IL1RAPL2: variants seen among roughly 807,000 people sequenced by gnomAD.
IL1RAPL2 encodes the protein X-linked interleukin-1 receptor accessory protein-like 2.
In IL1RAPL2, 3 loss-of-function variants were observed where a neutral mutation model predicts 44.1. That is an observed-to-expected ratio of 0.07 (90% CI 0.03 to 0.18). IL1RAPL2 has a LOEUF of 0.18. Among genes scored for constraint, IL1RAPL2 ranks in the 10% least tolerant of loss-of-function variants. The pLI is 1.00. For synonymous variants in IL1RAPL2, 181 were observed against 178.8 expected, an observed-to-expected ratio of 1.01 and a Z score of -0.10; for missense variants, 391 against 496.4, an observed-to-expected ratio of 0.79 and a Z score of 2.02.
chrX:105,678,292 C>G (rs2147521018), intron 6 of IL1RAPL2, among the ~76,000 whole-genome samples: 1 of 112,140 alleles, frequency 8.9e-6, no homozygotes, highest in Non-Finnish European at 1.9e-5. Flanking sequence ...GCCTAATAAT[C>G]AAATCATCAA....
chrX:105,724,856 T>C (rs1173258904), intron 7 of IL1RAPL2, among the ~76,000 whole-genome samples: 1 of 111,324 alleles, frequency 9.0e-6, no homozygotes, highest in East Asian at 2.8e-4. Context: ...TAAAGCTTAA[T>C]GGGAACTGCT....
At chrX:105,524,604 TAC>T (rs1049390525) in intron 6 of IL1RAPL2, among the ~76,000 whole-genome samples, 4 of 110,724 alleles carry the variant, frequency 3.6e-5, no homozygotes, top group Non-Finnish European at 7.6e-5. Flanking sequence ...TCACTGTGTT[TAC>T]AGTGAAGATG....
At chrX:105,045,349 G>A (rs1319384437) in intron 2 of IL1RAPL2, among the ~76,000 whole-genome samples, 2 of 111,537 alleles carry the variant, frequency 1.8e-5, no homozygotes, top group Admixed American at 1.9e-4. Context: ...AAGTCAGCAG[G>A]TACTACCTAA....
intron 6 of IL1RAPL2, among the ~76,000 whole-genome samples, chrX:105,582,719 T>G (rs777638227): frequency 9.1e-6 from 1 of 109,418 alleles, no homozygotes; most frequent in African/African-American, 3.3e-5. Flanking sequence ...ATTAGGGTAT[T>G]AAATTGTATT....
At chrX:105,036,529 A>C (rs1678432504) in intron 2 of IL1RAPL2, among the ~76,000 whole-genome samples, 1 of 109,484 alleles carries the variant, frequency 9.1e-6, no homozygotes, top group South Asian at 3.7e-4. Flanking sequence ...GAGATATCTT[A>C]CAGGACCATT....
At chrX:105,299,455 T>C (rs1283372683) in intron 5 of IL1RAPL2, among the ~76,000 whole-genome samples, 2 of 111,169 alleles carry the variant, frequency 1.8e-5, no homozygotes, top group Non-Finnish European at 3.8e-5. Context: ...GTGGAGATCA[T>C]TGATTGGTCA....
intron 2 of IL1RAPL2, among the ~76,000 whole-genome samples, chrX:105,142,501 G>C (rs143801559): frequency 0.014 from 1,567 of 111,210 alleles, 26 homozygotes; most frequent in African/African-American, 0.047. Context: ...GGATGCGGTG[G>C]TTTTTCCACC....
At chrX:104,717,894 T>G (rs1054713617) in intron 2 of IL1RAPL2, among the ~76,000 whole-genome samples, 1 of 110,077 alleles carries the variant, frequency 9.1e-6, no homozygotes. Context: ...CTGCGAATGA[T>G]GGTTTCCAGC....
At chrX:105,501,713 TCA>T (rs1169436472) in intron 6 of IL1RAPL2, among the ~76,000 whole-genome samples, 2 of 111,632 alleles carry the variant, frequency 1.8e-5, no homozygotes, top group Non-Finnish European at 3.8e-5. Context: ...AACCACAAAA[TCA>T]CAGTGGCTTA....
intron 2 of IL1RAPL2, among the ~76,000 whole-genome samples, chrX:104,813,653 T>C (rs752235571): frequency 9.0e-6 from 1 of 111,662 alleles, no homozygotes; most frequent in Admixed American, 9.5e-5. Flanking sequence ...ACTTTTTCAG[T>C]CCTTTCCTTA....
chrX:105,492,175 A>G (rs920880836), intron 6 of IL1RAPL2, among the ~76,000 whole-genome samples: 1 of 111,919 alleles, frequency 8.9e-6, no homozygotes, highest in Non-Finnish European at 1.9e-5. Flanking sequence ...TACTCATAAG[A>G]GCTCAAAGTA....
intron 7 of IL1RAPL2, among the ~76,000 whole-genome samples, chrX:105,723,026 T>C (rs1195412095): frequency 8.9e-6 from 1 of 111,977 alleles, no homozygotes; most frequent in Non-Finnish European, 1.9e-5. Flanking sequence ...CCCAAATCTT[T>C]AAATTCTGCT....
intron 1 of IL1RAPL2, among the ~76,000 whole-genome samples, chrX:104,580,074 A>G (rs754489317): frequency 1.8e-5 from 2 of 111,621 alleles, no homozygotes; most frequent in Non-Finnish European, 3.8e-5. Flanking sequence ...TAGAGCCACA[A>G]AATACCAAGA....
Position 105,585,364 on chromosome X carries a change from T to C in IL1RAPL2, c.772+100977T>C, listed in dbSNP as rs755007118. 2.7e-5 allele frequency among the ~76,000 whole-genome samples: 3 copies of C among 110,480 alleles called. No individual in the cohort carries two copies. The East Asian group carries it at 8.6e-4, about 32-fold the overall frequency. ...AGGGATGCAGTTTTTTTATTACTTT[T>C]TTTTTTTAATTTAAGTTCTGGACTA... On this transcript the variant is annotated intron_variant, in intron 6 of 10. Coordinates refer to ENST00000372582, the MANE Select transcript of IL1RAPL2 (RefSeq NM_017416.2).
intron 1 of IL1RAPL2, among the ~76,000 whole-genome samples, chrX:104,602,321 C>A (rs1234097756): frequency 8.9e-6 from 1 of 111,753 alleles, no homozygotes; most frequent in Non-Finnish European, 1.9e-5. Context: ...CCATGGTATT[C>A]ACAACCCGCA....
At chrX:105,449,536 A>G (rs1043065297) in intron 5 of IL1RAPL2, among the ~76,000 whole-genome samples, 1 of 108,727 alleles carries the variant, frequency 9.2e-6, no homozygotes, top group African/African-American at 3.4e-5. Context: ...GTGAGCCGAG[A>G]TCGCGCCACT....
chrX:105,682,121 A>G (rs1285894374), intron 6 of IL1RAPL2, among the ~76,000 whole-genome samples: 2 of 112,251 alleles, frequency 1.8e-5, no homozygotes, highest in Admixed American at 9.5e-5. Context: ...AGCCTGCCGA[A>G]AAAAGTTTTA....
At chrX:104,647,870 C>T in intron 1 of IL1RAPL2, 2 of 621,647 alleles carry the variant, frequency 3.2e-6, no homozygotes, top group Non-Finnish European at 5.4e-6. Context: ...GTCCTGTACT[C>T]CACAGAATCG....
chrX:105,392,231 A>G (rs1044774417), intron 5 of IL1RAPL2, among the ~76,000 whole-genome samples: 5 of 110,649 alleles, frequency 4.5e-5, no homozygotes, highest in African/African-American at 1.6e-4. Context: ...AATAGGCTCA[A>G]TTGGAAGCTA....
Sources: allele counts gnomAD v4.1 joint callset (sites outside exome capture counted in the v4.1 genomes callset), GRCh38; gene constraint gnomAD v4.1.1; transcripts MANE v1.5; gene names NCBI Gene and HGNC (gene_info 2026-07-23, HGNC 2026-07-21).